The following EFCAB6 variants were observed in gnomAD, a reference collection of about 807,000 sequenced individuals.
The protein encoded by EFCAB6 is EF-hand calcium binding domain 6.
Under a neutral mutation model 169.8 loss-of-function variants are expected in EFCAB6, and 156 were observed. The ratio of observed to expected loss-of-function variants is 0.92; its 90% CI spans 0.81 to 1.05. The LOEUF (loss-of-function observed/expected upper bound fraction) is 1.05, where lower values mean the gene tolerates loss of function less well. Ranked by LOEUF, EFCAB6 falls within the 50% of genes least tolerant of loss-of-function variation. EFCAB6 has a pLI of 0.00. For missense variants in EFCAB6, 1,800 were observed against 1,829.1 expected (o/e 0.98, Z 0.29); for synonymous variants, 698 against 676.4 (o/e 1.03, Z -0.50).
chr22:43,600,700 G>A (rs771496475), intron 22 of EFCAB6, among the ~76,000 whole-genome samples: 2 of 151,972 alleles, frequency 1.3e-5, no homozygotes, highest in African/African-American at 4.8e-5. Context: ...GTCTCACTCT[G>A]TGGCCCAGGC....
At chr22:43,770,968 T>G (rs2061450877) in intron 4 of EFCAB6, among the ~76,000 whole-genome samples, 1 of 152,070 alleles carries the variant, frequency 6.6e-6, no homozygotes, top group Admixed American at 6.6e-5. Context: ...TCCTTGAAGT[T>G]AAGACTAGAA....
chr22:43,547,243 C>T (rs937244426), intron 27 of EFCAB6, among the ~76,000 whole-genome samples: 19 of 151,948 alleles, frequency 1.3e-4, no homozygotes, highest in African/African-American at 4.6e-4. Flanking sequence ...TCAGTAGGGC[C>T]GGGAAAGCTG....
intron 10 of EFCAB6, among the ~76,000 whole-genome samples, chr22:43,693,713 C>T (rs2058483666): frequency 6.6e-6 from 1 of 151,668 alleles, no homozygotes; most frequent in Non-Finnish European, 1.5e-5. Flanking sequence ...TCTGTACTGT[C>T]TTTACAATAG....
At chr22:43,697,493 T>A (rs2058618039) in intron 10 of EFCAB6, among the ~76,000 whole-genome samples, 1 of 152,218 alleles carries the variant, frequency 6.6e-6, no homozygotes, top group African/African-American at 2.4e-5. Context: ...CTATTACATT[T>A]ATGGTAGTTC....
intron 16 of EFCAB6, 95 bp from the exon 17 acceptor site, chr22:43,667,367 TAAG>T (rs1429635123): frequency 1.7e-5 from 25 of 1,450,428 alleles, no homozygotes; most frequent in South Asian, 2.7e-5. Flanking sequence ...CCCATGACAG[TAAG>T]AAGGTTTCCC....
At chr22:43,766,501 T>G (rs1247890387) in intron 4 of EFCAB6, among the ~76,000 whole-genome samples, 1 of 151,984 alleles carries the variant, frequency 6.6e-6, no homozygotes, top group African/African-American at 2.4e-5. Flanking sequence ...ACCATATGAG[T>G]GCTATTTGTA....
At chr22:43,674,641 C>T (rs917687797) in intron 13 of EFCAB6, among the ~76,000 whole-genome samples, 4 of 152,182 alleles carry the variant, frequency 2.6e-5, no homozygotes, top group Non-Finnish European at 5.9e-5. Flanking sequence ...AAGATCACAC[C>T]ACTTGCCACG....
In EFCAB6 at chr22:43,590,113, C is replaced by G. The variant is rs781730092; in HGVS notation, c.2993G>C (p.Cys998Ser). 4.3e-6 allele frequency: 7 copies of G among 1,614,052 alleles called. No homozygotes were observed. In the East Asian group the frequency reaches 1.1e-4, roughly 26 times the overall value. ...KMQEVLEECG[C>S]SLTEGELTHL... ...GGTCAGCTCCCCTTCGGTAAGAGAA[C>G]ATCCACATTCTTCCAGCACTTCCTG... The change falls in exon 24 of 32, where the codon TGT becomes TCT. Residue 998 changes from cysteine (C) to serine (S), a missense_variant. Physicochemically the swap from Cys to Ser is moderately radical, Grantham distance 112 (BLOSUM62 -1). Transcript: ENST00000262726.
intron 26 of EFCAB6, among the ~76,000 whole-genome samples, chr22:43,568,802 C>G (rs1293431667): frequency 1.3e-5 from 2 of 152,198 alleles, no homozygotes; most frequent in African/African-American, 2.4e-5. Flanking sequence ...TGAGAAAATT[C>G]AACCACACAA....
intron 6 of EFCAB6, among the ~76,000 whole-genome samples, chr22:43,753,956 G>T (rs903474609): frequency 6.6e-6 from 1 of 152,172 alleles, no homozygotes; most frequent in Non-Finnish European, 1.5e-5. Flanking sequence ...ATGAAGAGAG[G>T]CTTACTTAGA....
rs186967251 is a variant in EFCAB6 at position 43,638,042 on chromosome 22, C to T, written c.1984-2826G>A. Among the ~76,000 whole-genome samples, 630 of 152,254 alleles carry T rather than the reference C, an allele frequency of 4.1e-3. 13 individuals are homozygous for T. The South Asian group carries it at 0.05, about 12-fold the overall frequency. ...CCCAGGCCCTCAGCAGCCTGTCCAGCGGTCGCAGGAGCGTAATCCCCAGGG... is the reference window on the plus strand; with the variant it reads ...CCCAGGCCCTCAGCAGCCTGTCCAGTGGTCGCAGGAGCGTAATCCCCAGGG... On this transcript the variant is annotated intron_variant, in intron 17 of 31. Coordinates refer to ENST00000262726, the MANE Select transcript of EFCAB6 (RefSeq NM_022785.4).
intron 23 of EFCAB6, among the ~76,000 whole-genome samples, chr22:43,598,440 G>A (rs1021187726): frequency 6.6e-6 from 1 of 151,418 alleles, no homozygotes; most frequent in Non-Finnish European, 1.5e-5. Flanking sequence ...GATAAGAGAA[G>A]TTGGATAAGG....
chr22:43,539,170 C>A (rs1042979360), intron 28 of EFCAB6, among the ~76,000 whole-genome samples: 2 of 152,190 alleles, frequency 1.3e-5, no homozygotes, highest in African/African-American at 4.8e-5. Flanking sequence ...AGCTGATTAG[C>A]AACTTCAGTT....
At chr22:43,613,271 C>A (rs1371700111) in intron 21 of EFCAB6, among the ~76,000 whole-genome samples, 1 of 150,174 alleles carries the variant, frequency 6.7e-6, no homozygotes, top group African/African-American at 2.4e-5. Flanking sequence ...ATATTCATAT[C>A]ATATATTTAT....
At chr22:43,774,487 G>A (rs750823199) in intron 3 of EFCAB6, among the ~76,000 whole-genome samples, 19 of 151,634 alleles carry the variant, frequency 1.3e-4, no homozygotes, top group Admixed American at 2.6e-4. Flanking sequence ...ATTCTCCCCC[G>A]ACACCCACTG....
At chr22:43,779,556 A>G (rs993612448) in intron 3 of EFCAB6, among the ~76,000 whole-genome samples, 2 of 152,222 alleles carry the variant, frequency 1.3e-5, no homozygotes, top group South Asian at 2.1e-4. Context: ...TCTGGCCAAC[A>G]TGGTGAAACA....
rs141618670 is a variant in EFCAB6 at position 43,740,841 on chromosome 22, G to A, written c.508-4848C>T. On this transcript the variant is annotated intron_variant, in intron 6 of 31. Coordinates refer to ENST00000262726, the MANE Select transcript of EFCAB6 (RefSeq NM_022785.4). ...TAAAAATCTCTGCACTTTGTCTGCT[G>A]CCAAAGCCAGATTTACCTCCTTTGG... is the stretch of plus-strand genomic sequence containing the variant. 2.5e-3 allele frequency among the ~76,000 whole-genome samples: 380 copies of A among 152,312 alleles called. 4 individuals are homozygous for A. Among genetic ancestry groups the A allele is most frequent in the African/African-American group, 8.8e-3 (365 of 41,568 alleles).
Position 43,753,072 on chromosome 22 carries a change from A to G in EFCAB6, c.507+2694T>C, listed in dbSNP as rs190121441. 6.6e-4 allele frequency among the ~76,000 whole-genome samples: 100 copies of G among 152,356 alleles called. 1 individual carries two copies. Among genetic ancestry groups the G allele is most frequent in the African/African-American group, 2.4e-3 (98 of 41,586 alleles). On this transcript the variant is annotated intron_variant, in intron 6 of 31. Coordinates refer to ENST00000262726, the MANE Select transcript of EFCAB6 (RefSeq NM_022785.4). ...TACTTTAGAGTTGTCTCCACTTTAG[A>G]GATGAGGAAACTCAGAACAAATGAG...
chr22:43,765,503 T>C (rs1471010174), intron 4 of EFCAB6, 110 bp from the exon 5 acceptor site: 9 of 745,744 alleles, frequency 1.2e-5, no homozygotes, highest in Non-Finnish European at 1.8e-5. Flanking sequence ...GAGAATACTA[T>C]TAACAGGACG....
Sources: gnomAD v4.1 joint callset for allele counts (sites outside exome capture counted in the v4.1 genomes callset) on GRCh38, gnomAD v4.1.1 for gene constraint, MANE v1.5 for transcripts, NCBI Gene and HGNC (gene_info 2026-07-23, HGNC 2026-07-21) for gene names.